STK32B: variants seen among roughly 807,000 people sequenced by gnomAD.
STK32B encodes the protein serine/threonine-protein kinase 32B.
STK32B carries 43 observed loss-of-function variants against 52.6 expected under a neutral mutation model. The observed-to-expected ratio is 0.82, with a 90% confidence interval of 0.64 to 1.05. The LOEUF (loss-of-function observed/expected upper bound fraction) is 1.05, where lower values mean the gene tolerates loss of function less well. Ranked by LOEUF, STK32B falls within the 50% of genes least tolerant of loss-of-function variation. The probability of loss-of-function intolerance (pLI) is 0.00; values close to 1 mark genes in which losing one functional copy is unlikely to be tolerated. For missense variants in STK32B, 621 were observed against 534.6 expected, an observed-to-expected ratio of 1.16 and a Z score of -1.59; for synonymous variants, 238 against 204.3, an observed-to-expected ratio of 1.17 and a Z score of -1.41.
At chr4:5,241,997 T>G (rs1725065565) in intron 3 of STK32B, among the ~76,000 whole-genome samples, 1 of 152,220 alleles carries the variant, frequency 6.6e-6, no homozygotes, top group Non-Finnish European at 1.5e-5. Flanking sequence ...TTGGGTTGGT[T>G]CCAAGTCTTT....
At chr4:5,455,441 C>T (rs1336304578) in intron 7 of STK32B, among the ~76,000 whole-genome samples, 2 of 152,234 alleles carry the variant, frequency 1.3e-5, no homozygotes, top group East Asian at 1.9e-4. Flanking sequence ...GAAATCAGCT[C>T]CTCCCCTGGC....
At position 5,470,013 on chromosome 4, in the gene STK32B, C is replaced by T. The variant is rs183348586; in HGVS notation, c.1106+1943C>T. On this transcript the variant is annotated intron_variant, in intron 11 of 11. Coordinates refer to ENST00000282908, the MANE Select transcript of STK32B (RefSeq NM_018401.3). The surrounding 1 kb of genome is among the most constrained non-coding windows in gnomAD (Gnocchi z 4.6). ...TCCAATGAGAGCAGCTGCTGGCAAACGTGAGCCTGCAAAAAGCTAAGCTGT... is the reference window on the plus strand; with the variant it reads ...TCCAATGAGAGCAGCTGCTGGCAAATGTGAGCCTGCAAAAAGCTAAGCTGT... 1.6e-4 allele frequency among the ~76,000 whole-genome samples: 25 copies of T among 152,256 alleles called. No homozygotes were observed. The highest frequency in any genetic ancestry group is 5.5e-4 in the African/African-American group (23 of 41,542).
chr4:5,367,028 C>T (rs978712521), intron 4 of STK32B, among the ~76,000 whole-genome samples: 2 of 152,096 alleles, frequency 1.3e-5, no homozygotes, highest in Non-Finnish European at 2.9e-5. Flanking sequence ...TTTAAACTCA[C>T]ATCTGCCAAC....
At chr4:5,130,037 G>A (rs770216213) in intron 1 of STK32B, among the ~76,000 whole-genome samples, 2 of 151,964 alleles carry the variant, frequency 1.3e-5, no homozygotes, top group Admixed American at 6.6e-5. Context: ...TCAGTAGGAG[G>A]ACAACAAATA....
At chr4:5,496,628 C>T (rs560429217) in intron 11 of STK32B, among the ~76,000 whole-genome samples, 79 of 152,068 alleles carry the variant, frequency 5.2e-4, no homozygotes, top group African/African-American at 1.9e-3. Context: ...ATGCAGAAAT[C>T]ACCCATCTTC....
chr4:5,494,734 T>C (rs1720066832), intron 11 of STK32B, among the ~76,000 whole-genome samples: 1 of 152,218 alleles, frequency 6.6e-6, no homozygotes, highest in South Asian at 2.1e-4. Flanking sequence ...TTTCCATGTT[T>C]AGTGCTTGCT....
intron 7 of STK32B, among the ~76,000 whole-genome samples, chr4:5,449,444 TG>T (rs1362128085): frequency 2.6e-5 from 4 of 152,326 alleles, no homozygotes; most frequent in Admixed American, 2.0e-4. Context: ...TAATATGGCT[TG>T]TTAGCCAGGG....
intron 6 of STK32B, among the ~76,000 whole-genome samples, chr4:5,423,620 G>T (rs1393170503): frequency 1.3e-5 from 2 of 152,132 alleles, no homozygotes; most frequent in Non-Finnish European, 2.9e-5. Context: ...CTGCCTTATG[G>T]AGCTCACACT....
intron 11 of STK32B, among the ~76,000 whole-genome samples, chr4:5,468,919 G>A (rs551864646): frequency 2.0e-5 from 3 of 152,066 alleles, no homozygotes; most frequent in Non-Finnish European, 1.5e-5. Flanking sequence ...GCGCAGTGGC[G>A]GGCACCTGTA....
intron 1 of STK32B, among the ~76,000 whole-genome samples, chr4:5,120,146 C>T (rs1170730816): frequency 6.6e-6 from 1 of 152,232 alleles, no homozygotes; most frequent in Non-Finnish European, 1.5e-5. Context: ...TGGATCCACG[C>T]TATAGACACT....
At chr4:5,377,897 C>A (rs938423888) in intron 4 of STK32B, among the ~76,000 whole-genome samples, 2 of 152,106 alleles carry the variant, frequency 1.3e-5, no homozygotes, top group East Asian at 3.9e-4. Context: ...TCTGGTATGT[C>A]TTCATAGCAG....
At chr4:5,259,833 G>C (rs1726580987) in intron 3 of STK32B, among the ~76,000 whole-genome samples, 1 of 152,150 alleles carries the variant, frequency 6.6e-6, no homozygotes, top group South Asian at 2.1e-4. Flanking sequence ...ATATTTAGGA[G>C]GGTCTCAGAA....
At chr4:5,485,355 T>C (rs1379484594) in intron 11 of STK32B, among the ~76,000 whole-genome samples, 3 of 152,184 alleles carry the variant, frequency 2.0e-5, no homozygotes, top group African/African-American at 7.2e-5. Flanking sequence ...CCATCACTGA[T>C]ACCCTTTCTT....
At chr4:5,494,197 T>A in intron 11 of STK32B, among the ~76,000 whole-genome samples, 1 of 152,198 alleles carries the variant, frequency 6.6e-6, no homozygotes, top group Admixed American at 6.5e-5. Context: ...TCTCCCATTA[T>A]TATTGTGTTG....
intron 4 of STK32B, among the ~76,000 whole-genome samples, chr4:5,341,105 AGAGT>A (rs1295596457): frequency 6.6e-6 from 1 of 152,192 alleles, no homozygotes; most frequent in Non-Finnish European, 1.5e-5. Flanking sequence ...GAATGCTCAT[AGAGT>A]GAGTGCCTGC....
Position 5,425,427 on chromosome 4 carries a change from G to A in STK32B, c.562+8493G>A, listed in dbSNP as rs1160098815. 3.9e-5 allele frequency among the ~76,000 whole-genome samples: 6 copies of A among 151,936 alleles called. 1 individual carries two copies. The highest frequency in any genetic ancestry group is 3.9e-4 in the Admixed American group (6 of 15,260). On this transcript the variant is annotated intron_variant, in intron 6 of 11. Transcript: ENST00000282908. ...TGGCATTTGGCCCTAGGTCAGTGAGGCTCCACTGTCCATTATCTTTCCTGA... is the reference window on the plus strand; with the variant it reads ...TGGCATTTGGCCCTAGGTCAGTGAGACTCCACTGTCCATTATCTTTCCTGA...
intron 4 of STK32B, among the ~76,000 whole-genome samples, chr4:5,379,852 G>A (rs1340735280): frequency 6.6e-6 from 1 of 152,140 alleles, no homozygotes; most frequent in Non-Finnish European, 1.5e-5. Context: ...CCCGGTTCGT[G>A]GTGTTTTGAT....
At chr4:5,366,836 T>C (rs886587177) in intron 4 of STK32B, among the ~76,000 whole-genome samples, 3 of 152,210 alleles carry the variant, frequency 2.0e-5, no homozygotes, top group African/African-American at 7.2e-5. Context: ...ATCCGTTGCG[T>C]ACCCAGTGTG....
At chr4:5,415,762 G>A (rs947253323) in intron 5 of STK32B, among the ~76,000 whole-genome samples, 1 of 151,542 alleles carries the variant, frequency 6.6e-6, no homozygotes, top group Non-Finnish European at 1.5e-5. Flanking sequence ...GAGATTAGAG[G>A]GTGGTATGTT....
Sources: gnomAD v4.1 joint callset for allele counts (sites outside exome capture counted in the v4.1 genomes callset) on GRCh38, gnomAD v4.1.1 for gene constraint, Gnocchi (gnomAD v3.1) non-coding constraint, MANE v1.5 for transcripts, NCBI Gene and HGNC (gene_info 2026-07-23, HGNC 2026-07-21) for gene names.